CNIH3: variants seen among roughly 807,000 people sequenced by gnomAD.
The protein encoded by CNIH3 is protein cornichon homolog 3.
In CNIH3, 14 loss-of-function variants were observed where a neutral mutation model predicts 24.1. The ratio of observed to expected loss-of-function variants is 0.58; its 90% CI spans 0.38 to 0.91. The LOEUF (loss-of-function observed/expected upper bound fraction) is 0.91, where lower values mean the gene tolerates loss of function less well. Ranked by LOEUF, CNIH3 falls within the 40% of genes least tolerant of loss-of-function variation. CNIH3 has a pLI of 0.00. For missense variants in CNIH3, 178 were observed against 196.8 expected, an observed-to-expected ratio of 0.90 and a Z score of 0.57; for synonymous variants, 68 against 73.8, an observed-to-expected ratio of 0.92 and a Z score of 0.40.
intron 1 of CNIH3, among the ~76,000 whole-genome samples, chr1:224,491,196 C>A (rs952191599): frequency 3.3e-5 from 5 of 152,310 alleles, no homozygotes; most frequent in Admixed American, 1.3e-4. Flanking sequence ...AGCTGAGGAA[C>A]AAAAACCATC....
chr1:224,586,504 G>T (rs562546560), intron 5 of CNIH3, among the ~76,000 whole-genome samples: 1 of 152,264 alleles, frequency 6.6e-6, no homozygotes, highest in South Asian at 2.1e-4. Context: ...GGGAATTCAA[G>T]ATGAGATTTG....
intron 3 of CNIH3, among the ~76,000 whole-genome samples, chr1:224,609,040 C>G (rs972911493): frequency 6.6e-6 from 1 of 152,148 alleles, no homozygotes; most frequent in African/African-American, 2.4e-5. Flanking sequence ...GGGCCACAAC[C>G]AATTATTATT....
At chr1:224,727,152 G>A (rs985323186) in intron 3 of CNIH3, among the ~76,000 whole-genome samples, 1 of 152,228 alleles carries the variant, frequency 6.6e-6, no homozygotes, top group Non-Finnish European at 1.5e-5. Flanking sequence ...GCTTGTTAAG[G>A]AAGGGCTGAG....
At chr1:224,504,207 C>T (rs1026305353) in intron 1 of CNIH3, among the ~76,000 whole-genome samples, 4 of 152,168 alleles carry the variant, frequency 2.6e-5, no homozygotes, top group Non-Finnish European at 5.9e-5. Context: ...GTTTTCTCAC[C>T]TGGGAGGGAC....
chr1:224,552,741 T>C (rs1315012023), intron 3 of CNIH3, among the ~76,000 whole-genome samples: 1 of 151,554 alleles, frequency 6.6e-6, no homozygotes, highest in Non-Finnish European at 1.5e-5. Context: ...ATCTTAGATA[T>C]TATGAATAAT....
intron 4 of CNIH3, among the ~76,000 whole-genome samples, chr1:224,581,163 A>G (rs1446767401): frequency 1.3e-5 from 2 of 151,858 alleles, no homozygotes; most frequent in East Asian, 1.9e-4. Context: ...CTGAAATTTT[A>G]TTTTCCTTTC....
At chr1:224,572,769 CTT>C (rs1367932828) in intron 4 of CNIH3, among the ~76,000 whole-genome samples, 1 of 151,942 alleles carries the variant, frequency 6.6e-6, no homozygotes, top group Non-Finnish European at 1.5e-5. Context: ...AAAAGGATGT[CTT>C]TTCATTTATT....
At chr1:224,528,596 G>A (rs890649876) in intron 2 of CNIH3, among the ~76,000 whole-genome samples, 12 of 152,186 alleles carry the variant, frequency 7.9e-5, no homozygotes, top group African/African-American at 2.7e-4. Context: ...TGGGATTACA[G>A]GCATGAGCCA....
chr1:224,688,657 C>G (rs1405876853), intron 3 of CNIH3, among the ~76,000 whole-genome samples: 1 of 152,088 alleles, frequency 6.6e-6, no homozygotes, highest in Non-Finnish European at 1.5e-5. Context: ...TACATTTACT[C>G]CTTATATAGG....
At chr1:224,694,095 G>A (rs1687055582) in intron 3 of CNIH3, among the ~76,000 whole-genome samples, 1 of 152,234 alleles carries the variant, frequency 6.6e-6, no homozygotes, top group South Asian at 2.1e-4. Context: ...GGAGAGGAGA[G>A]GGACAAGAGC....
At chr1:224,582,830 G>A (rs371353155) in intron 4 of CNIH3, among the ~76,000 whole-genome samples, 6 of 152,134 alleles carry the variant, frequency 3.9e-5, no homozygotes, top group African/African-American at 1.4e-4. Flanking sequence ...CTTAATAATA[G>A]AGGGGAAAAA....
At chr1:224,461,550 T>G (rs528258389) in intron 1 of CNIH3, among the ~76,000 whole-genome samples, 1 of 152,342 alleles carries the variant, frequency 6.6e-6, no homozygotes, top group African/African-American at 2.4e-5. Flanking sequence ...TATTTACTTC[T>G]GAGTATATAT....
intron 1 of CNIH3, among the ~76,000 whole-genome samples, chr1:224,461,041 C>T (rs1423037697): frequency 9.4e-5 from 14 of 149,448 alleles, no homozygotes; most frequent in African/African-American, 3.0e-4. Flanking sequence ...CTCACTCTGT[C>T]ACCCAGCCTG....
intron 1 of CNIH3, chr1:224,435,172 C>T: frequency 1.0e-6 from 1 of 986,192 alleles, no homozygotes; most frequent in Non-Finnish European, 1.2e-6. Flanking sequence ...TGCACCTTCT[C>T]CATCAGGTGC....
At chr1:224,633,741 C>T (rs1474501109) in intron 1 of CNIH3, among the ~76,000 whole-genome samples, 1 of 152,152 alleles carries the variant, frequency 6.6e-6, no homozygotes, top group Non-Finnish European at 1.5e-5. Flanking sequence ...TAGATTATCC[C>T]CCCACCAGGA....
rs564580806 is a variant in CNIH3, at chr1:224,694,794, G to A, written c.198+9951G>A. Among the ~76,000 whole-genome samples the A allele has an allele frequency of 7.9e-5, 12 of 152,282 alleles. No homozygotes were observed. In the South Asian group the frequency reaches 2.5e-3, roughly 32 times the overall value. ...GAAATAAAGGCCTTTGCGGCAACTT[G>A]GATGGAACTGGAGGCCATTATTCTA... On this transcript the variant is annotated intron_variant, in intron 3 of 5. Coordinates refer to ENST00000272133, the MANE Select transcript of CNIH3 (RefSeq NM_152495.2).
At chr1:224,702,091 GT>G (rs34747065) in intron 3 of CNIH3, among the ~76,000 whole-genome samples, 117,713 of 151,146 alleles carry the variant, frequency 0.78, 46,427 homozygotes, top group Middle Eastern at 0.88. Context: ...CTCCAGCTCA[GT>G]TTTTTTTTTG....
intron 1 of CNIH3, among the ~76,000 whole-genome samples, chr1:224,502,533 C>T (rs1396507200): frequency 6.6e-6 from 1 of 152,200 alleles, no homozygotes; most frequent in African/African-American, 2.4e-5. Flanking sequence ...GAACAGCCTT[C>T]CTCCTGGTCT....
At chr1:224,510,347 G>A (rs193166494) in intron 1 of CNIH3, among the ~76,000 whole-genome samples, 119 of 152,210 alleles carry the variant, frequency 7.8e-4, no homozygotes, top group East Asian at 4.8e-3. Context: ...CGTGGTCAGC[G>A]TTGTGTTTTA....
Sources: allele counts gnomAD v4.1 joint callset (sites outside exome capture counted in the v4.1 genomes callset), GRCh38; gene constraint gnomAD v4.1.1; transcripts MANE v1.5; gene names NCBI Gene and HGNC (gene_info 2026-07-23, HGNC 2026-07-21).